The following TLK2 variants were observed in gnomAD, a reference collection of about 807,000 sequenced individuals.
The protein encoded by TLK2 is serine/threonine-protein kinase tousled-like 2.
In TLK2, 6 loss-of-function variants were observed where a neutral mutation model predicts 117.3. The ratio of observed to expected loss-of-function variants is 0.05; its 90% confidence interval spans 0.03 to 0.10. The LOEUF (loss-of-function observed/expected upper bound fraction) is 0.10, where lower values mean the gene tolerates loss of function less well. Among genes scored for constraint, TLK2 ranks in the 10% least tolerant of loss-of-function variants. The pLI is 1.00. For synonymous variants in TLK2, 257 were observed against 316.7 expected (o/e 0.81, Z 2.00); for missense variants, 299 against 901.2 (o/e 0.33, Z 8.56).
Position 62,548,922 on chromosome 17 carries a change from G to A in TLK2, c.532-3380G>A, listed in dbSNP as rs144785067. 3.6e-3 allele frequency among the ~76,000 whole-genome samples: 540 copies of A among 149,664 alleles called. 3 individuals carry two copies. The highest frequency in any genetic ancestry group is 7.0e-3 in the Middle Eastern group (2 of 284). On this transcript the variant is annotated intron_variant, in intron 7 of 21. Transcript: ENST00000346027. The stretch of plus-strand genomic sequence containing the variant: ...CAGATTATTTTTTTTTGTATGTTTA[G>A]TAGAGACAGGGTTTCACCATGTTGG...
chr17:62,474,044 T>C (rs1010292049), upstream of TLK2, among the ~76,000 whole-genome samples: 8 of 152,126 alleles, frequency 5.3e-5, no homozygotes, highest in Non-Finnish European at 1.0e-4. Flanking sequence ...CACGAGCATA[T>C]GGCAACATGC....
chr17:62,525,707 C>A (rs2076328308), intron 6 of TLK2, among the ~76,000 whole-genome samples: 1 of 152,130 alleles, frequency 6.6e-6, no homozygotes. Flanking sequence ...GCCTCCACCT[C>A]CCAAAGTGTT....
intron 14 of TLK2, among the ~76,000 whole-genome samples, chr17:62,579,191 C>T (rs1055547061): frequency 5.3e-5 from 8 of 152,152 alleles, no homozygotes; most frequent in African/African-American, 1.7e-4. Flanking sequence ...AGCTTTGGAC[C>T]TGTCTTTCTG....
intron 6 of TLK2, among the ~76,000 whole-genome samples, chr17:62,526,359 T>C (rs926277851): frequency 6.6e-6 from 1 of 152,180 alleles, no homozygotes; most frequent in Non-Finnish European, 1.5e-5. Context: ...ATTTTTGTCA[T>C]CTCCTGCAAA....
At chr17:62,499,015 C>T (rs2073959770) in intron 2 of TLK2, among the ~76,000 whole-genome samples, 1 of 151,982 alleles carries the variant, frequency 6.6e-6, no homozygotes, top group Non-Finnish European at 1.5e-5. Context: ...AGGCATGTGC[C>T]ACTGTCCCCA....
intron 7 of TLK2, among the ~76,000 whole-genome samples, chr17:62,549,313 G>T (rs544159553): frequency 9.2e-5 from 13 of 140,794 alleles, no homozygotes; most frequent in Non-Finnish European, 1.4e-4. Flanking sequence ...TCAGGAGAAC[G>T]GCGTGAACCT....
chr17:62,497,024 G>A (rs1359407723), intron 2 of TLK2, among the ~76,000 whole-genome samples: 1 of 151,396 alleles, frequency 6.6e-6, no homozygotes, highest in African/African-American at 2.4e-5. Flanking sequence ...TTGGGTGGCC[G>A]AGGCAAGAGG....
chr17:62,477,976 C>A (rs2071125180), upstream of TLK2: 1 of 152,174 alleles, frequency 6.6e-6, no homozygotes, highest in South Asian at 2.1e-4. Flanking sequence ...GGGAGAGTAC[C>A]TTGGGGGCAG....
At chr17:62,481,493 C>T in intron 2 of TLK2, among the ~76,000 whole-genome samples, 2 of 152,180 alleles carry the variant, frequency 1.3e-5, no homozygotes, top group Non-Finnish European at 2.9e-5. Context: ...TGTATAGATT[C>T]TATGCCATAT....
chr17:62,582,627 CT>C (rs1341708836), intron 15 of TLK2, among the ~76,000 whole-genome samples: 1 of 151,858 alleles, frequency 6.6e-6, no homozygotes, highest in African/African-American at 2.4e-5. Flanking sequence ...AGTTTATTTT[CT>C]TTGTAATTTT....
intron 16 of TLK2, among the ~76,000 whole-genome samples, chr17:62,590,750 A>C (rs758516239): frequency 3.3e-5 from 5 of 152,210 alleles, no homozygotes; most frequent in African/African-American, 4.8e-5. Context: ...AAGTGCTGGG[A>C]TTACAGGCAT....
chr17:62,497,895 C>A (rs1176532907), intron 2 of TLK2, among the ~76,000 whole-genome samples: 1 of 152,136 alleles, frequency 6.6e-6, no homozygotes, highest in Non-Finnish European at 1.5e-5. Context: ...GGGGTTTTAC[C>A]ATGTTGGCCA....
rs1199383869 is a variant in TLK2 at position 62,536,267 on chromosome 17, T to C, written c.461T>C (p.Leu154Pro). ...SALPTLMSVM[L>P]AKPRLDTEQL... ...CTGCCAACCCTCATGTCAGTGATGC[T>C]AGCAAAACCTCGGCTTGACACAGAG... is the stretch of plus-strand genomic sequence containing the variant. Residue 154 changes from leucine (L) to proline (P), a missense_variant, in exon 7 of 22, where the codon CTA (leucine) becomes CCA (proline). Leu to Pro is a moderately conservative substitution (Grantham distance 98, BLOSUM62 -3). This residue lies in a region of TLK2 where 105 missense variants were observed against 218.4 expected (regional missense o/e 0.48). Coordinates refer to ENST00000346027, the MANE Select transcript of TLK2 (RefSeq NM_006852.6). The C allele has an allele frequency of 1.9e-6, 3 of 1,613,442 alleles. No individual in the cohort carries two copies. Among genetic ancestry groups the C allele is most frequent in the Non-Finnish European group, 2.5e-6 (3 of 1,179,786 alleles).
chr17:62,580,222 G>A (rs1202177165), intron 15 of TLK2, 30 bp downstream of exon 15: 1 of 1,547,928 alleles, frequency 6.5e-7, no homozygotes, highest in East Asian at 2.3e-5. Context: ...TACAAAGACT[G>A]GGGGTTAAAT....
At chr17:62,499,152 C>T (rs1367080582) in intron 2 of TLK2, among the ~76,000 whole-genome samples, 8 of 151,474 alleles carry the variant, frequency 5.3e-5, no homozygotes, top group Middle Eastern at 6.9e-3. Flanking sequence ...ACCAGCCTGG[C>T]GACCACGGCA....
intron 6 of TLK2, among the ~76,000 whole-genome samples, chr17:62,531,925 C>T (rs1241963739): frequency 6.6e-6 from 1 of 152,158 alleles, no homozygotes; most frequent in Non-Finnish European, 1.5e-5. Flanking sequence ...ATGTAGGTAG[C>T]TCTTTGGAGG....
At chr17:62,612,287 A>T in intron 21 of TLK2, 105 bp from the exon 22 acceptor site, 1 of 1,256,894 alleles carries the variant, frequency 8.0e-7, no homozygotes, top group Non-Finnish European at 1.1e-6. Context: ...CCTTCTCTTT[A>T]GTTGATATTT....
chr17:62,610,206 C>G (rs1053090555), intron 21 of TLK2, among the ~76,000 whole-genome samples: 4 of 152,158 alleles, frequency 2.6e-5, no homozygotes, highest in Non-Finnish European at 4.4e-5. Context: ...GTTAGATGAA[C>G]TTGTTGTGAA....
chr17:62,606,183 A>G lies in TLK2; in HGVS notation c.1913A>G (p.Asn638Ser). 6.2e-7 allele frequency: 1 copy of G among 1,602,624 alleles called. No homozygotes were observed. Among genetic ancestry groups the G allele is most frequent in the Non-Finnish European group, 8.5e-7 (1 of 1,172,258 alleles). The change falls in exon 20 of 22, where the codon AAT (asparagine) becomes AGT (serine). Residue 638 changes from asparagine (N) to serine (S), a missense_variant. Asn to Ser is a conservative substitution (Grantham distance 46, BLOSUM62 1). Around this residue, in one of 4 missense-constraint regions of TLK2, gnomAD observed 81 missense variants for 370.9 expected, o/e 0.22. Transcript: ENST00000346027. ...VVGKEPPKIS[N>S]KVDVWSVGVI... ...GGGAAAGAACCACCAAAGATCTCAA[A>G]TAAAGTTGATGTGTGGTCGGTGGGT...
Sources: allele counts gnomAD v4.1 joint callset (sites outside exome capture counted in the v4.1 genomes callset), GRCh38; gene constraint gnomAD v4.1.1; regional missense constraint gnomAD v4.1.1; transcripts MANE v1.5; gene names NCBI Gene and HGNC (gene_info 2026-07-23, HGNC 2026-07-21).